Variants in ITFG1 observed in about 807,000 individuals in gnomAD.
The protein encoded by ITFG1 is integrin alpha FG-GAP repeat containing 1.
A neutral mutation model predicts 81.8 loss-of-function variants in ITFG1; 34 were observed. The observed-to-expected ratio is 0.42, with a 90% CI of 0.32 to 0.55. The LOEUF (loss-of-function observed/expected upper bound fraction) is 0.55, where lower values mean the gene tolerates loss of function less well. Among genes scored for constraint, ITFG1 ranks in the 20% least tolerant of loss-of-function variants. The pLI is 0.17. For synonymous variants in ITFG1, 285 were observed against 270.6 expected (o/e 1.05, Z -0.52); for missense variants, 672 against 755.4 (o/e 0.89, Z 1.29).
chr16:47,207,156 C>T (rs1965509341), intron 14 of ITFG1, among the ~76,000 whole-genome samples: 1 of 152,194 alleles, frequency 6.6e-6, no homozygotes, highest in Non-Finnish European at 1.5e-5. Flanking sequence ...CATCTCGGCT[C>T]ACTGCAAGCT....
chr16:47,433,770 A>AATATATATATATATATAT (rs59030134), intron 5 of ITFG1, among the ~76,000 whole-genome samples: 8 of 124,508 alleles, frequency 6.4e-5, no homozygotes, highest in African/African-American at 2.6e-4. Context: ...ATAAAAACTG[A>AATATATATATATATATAT]ATATATATAT....
chr16:47,283,512 T>G (rs992844462), intron 10 of ITFG1, among the ~76,000 whole-genome samples: 1 of 152,184 alleles, frequency 6.6e-6, no homozygotes, highest in African/African-American at 2.4e-5. Context: ...CTATTGGTTT[T>G]GTTTCTCTGC....
intron 6 of ITFG1, among the ~76,000 whole-genome samples, chr16:47,406,086 A>G (rs970820739): frequency 6.6e-6 from 1 of 152,228 alleles, no homozygotes. Flanking sequence ...TGATAATATC[A>G]GAAACAACTG....
chr16:47,423,784 T>C (rs2151607724), intron 6 of ITFG1, among the ~76,000 whole-genome samples: 1 of 152,372 alleles, frequency 6.6e-6, no homozygotes, highest in East Asian at 1.9e-4. Context: ...GTAGGTTTTC[T>C]GCTGAGAGAT....
chr16:47,394,469 C>A (rs533963496), intron 6 of ITFG1, among the ~76,000 whole-genome samples: 1 of 152,154 alleles, frequency 6.6e-6, no homozygotes, highest in African/African-American at 2.4e-5. Context: ...AAACAAAATT[C>A]TATTTATCTT....
chr16:47,258,630 A>T lies in ITFG1; in HGVS notation c.1330+2T>A. 1 of 1,273,544 alleles carries T rather than the reference A, an allele frequency of 7.9e-7. No individual in the cohort carries two copies. The highest frequency in any genetic ancestry group is 1.1e-6 in the Non-Finnish European group (1 of 885,772). The allele number at this position is 1,273,544 out of a possible 1,614,324, so 78.9% of individuals were successfully genotyped here. A position where few individuals can be genotyped will look rare whatever the true frequency, so the allele number is the denominator to read the frequency against. Reference sequence around the variant, plus strand: ...AAAATTAAATGTTAGTACTTTACTCACCAATAACTTTAACAAAATAAGCAT... The same window carrying T: ...AAAATTAAATGTTAGTACTTTACTCTCCAATAACTTTAACAAAATAAGCAT... On this transcript the variant is annotated splice_donor_variant, in intron 12 of 17. Transcript: ENST00000320640. LOFTEE classifies it high-confidence loss of function.
At chr16:47,258,569 T>C (rs879807143) in intron 12 of ITFG1, 63 bp downstream of exon 12, 10 of 783,640 alleles carry the variant, frequency 1.3e-5, no homozygotes, top group Non-Finnish European at 2.2e-5. Context: ...TCCTTGCTCT[T>C]TGGAATATGT....
chr16:47,361,049 A>G (rs965587375), intron 8 of ITFG1, among the ~76,000 whole-genome samples: 2 of 152,176 alleles, frequency 1.3e-5, no homozygotes, highest in East Asian at 1.9e-4. Flanking sequence ...TAGTATGTTT[A>G]TAACTTTCAC....
At chr16:47,405,926 C>T (rs1249893872) in intron 6 of ITFG1, among the ~76,000 whole-genome samples, 1 of 152,158 alleles carries the variant, frequency 6.6e-6, no homozygotes, top group African/African-American at 2.4e-5. Context: ...TGTAATATAG[C>T]TACAACAGAA....
intron 6 of ITFG1, among the ~76,000 whole-genome samples, chr16:47,411,206 G>T (rs1968806221): frequency 6.6e-6 from 1 of 152,200 alleles, no homozygotes; most frequent in African/African-American, 2.4e-5. Context: ...AGAAAAATGA[G>T]ACACAGATTT....
At chr16:47,340,606 G>A (rs945362296) in intron 8 of ITFG1, among the ~76,000 whole-genome samples, 4 of 151,912 alleles carry the variant, frequency 2.6e-5, no homozygotes, top group East Asian at 1.9e-4. Context: ...AGGAGGAAAC[G>A]AAAGAGAAAA....
chr16:47,249,505 A>G (rs1966041731), intron 12 of ITFG1, among the ~76,000 whole-genome samples: 1 of 152,214 alleles, frequency 6.6e-6, no homozygotes, highest in African/African-American at 2.4e-5. Flanking sequence ...TCCAAAAAGT[A>G]ATTTCTAATA....
Position 47,279,427 on chromosome 16 carries a change from T to C in ITFG1, c.1071-18732A>G, listed in dbSNP as rs28868367. On this transcript the variant is annotated intron_variant, in intron 10 of 17. Transcript: ENST00000320640. ...ATTGAAAAAGAGACTACACTTCTCT[T>C]AAACACCGTTAGCTGTACTAGTAAG... Among the ~76,000 whole-genome samples, 638 of 152,316 alleles carry C rather than the reference T, an allele frequency of 4.2e-3. 6 individuals carry two copies. The highest frequency in any genetic ancestry group is 0.015 in the African/African-American group (609 of 41,566).
intron 14 of ITFG1, among the ~76,000 whole-genome samples, chr16:47,193,261 G>A (rs1965315184): frequency 6.7e-6 from 1 of 150,136 alleles, no homozygotes; most frequent in African/African-American, 2.4e-5. Context: ...GAGGTTAAAA[G>A]ATTTTTCACT....
chr16:47,185,366 C>T (rs1335450872), intron 14 of ITFG1, among the ~76,000 whole-genome samples: 1 of 152,216 alleles, frequency 6.6e-6, no homozygotes, highest in East Asian at 1.9e-4. Flanking sequence ...AAATTGACTA[C>T]ATACTTGGAA....
chr16:47,449,881 T>G (rs1232877394), intron 5 of ITFG1: 2 of 152,220 alleles, frequency 1.3e-5, no homozygotes, highest in Non-Finnish European at 2.9e-5. Context: ...AATAGAAGTT[T>G]TATTAATACT....
intron 6 of ITFG1, among the ~76,000 whole-genome samples, chr16:47,408,322 C>T (rs1285014990): frequency 6.6e-6 from 1 of 152,150 alleles, no homozygotes; most frequent in African/African-American, 2.4e-5. Context: ...TAACACTTGC[C>T]CTTTTAAATG....
chr16:47,303,650 G>A (rs1378020519), intron 10 of ITFG1, among the ~76,000 whole-genome samples: 3 of 152,038 alleles, frequency 2.0e-5, no homozygotes, highest in Non-Finnish European at 4.4e-5. Flanking sequence ...TAGAGACAAG[G>A]TCTGACTCTG....
At chr16:47,333,122 G>A (rs1455985012) in intron 8 of ITFG1, among the ~76,000 whole-genome samples, 2 of 151,924 alleles carry the variant, frequency 1.3e-5, no homozygotes, top group East Asian at 1.9e-4. Context: ...GTCCTGGGAT[G>A]GAAGAAGGAA....
Sources: allele counts gnomAD v4.1 joint callset (sites outside exome capture counted in the v4.1 genomes callset), GRCh38; gene constraint gnomAD v4.1.1; transcripts MANE v1.5; gene names NCBI Gene and HGNC (gene_info 2026-07-23, HGNC 2026-07-21).